The following DPYSL3 variants were observed in gnomAD, a reference collection of about 807,000 sequenced individuals.
The protein encoded by DPYSL3 is dihydropyrimidinase like 3.
Under a neutral mutation model 66.1 loss-of-function variants are expected in DPYSL3, and 16 were observed. The observed-to-expected ratio is 0.24, with a 90% CI of 0.16 to 0.37. The LOEUF is 0.37. DPYSL3 is among the 10% of genes least tolerant of loss of function. The pLI is 1.00. For synonymous variants in DPYSL3, 338 were observed against 345.1 expected (o/e 0.98, Z 0.23); for missense variants, 738 against 916.2 (o/e 0.81, Z 2.51).
At chr5:147,433,027 T>TC (rs1752342441) in intron 1 of DPYSL3, among the ~76,000 whole-genome samples, 1 of 152,192 alleles carries the variant, frequency 6.6e-6, no homozygotes, top group African/African-American at 2.4e-5. Context: ...ACTTTTTCCT[T>TC]GATCTACTCA....
At chr5:147,436,106 C>T (rs1752411034) in intron 1 of DPYSL3, among the ~76,000 whole-genome samples, 2 of 152,248 alleles carry the variant, frequency 1.3e-5, no homozygotes, top group African/African-American at 2.4e-5. Flanking sequence ...CCTATTGGTG[C>T]CCTAAGAGCT....
At chr5:147,495,747 G>C (rs1179868118) in intron 1 of DPYSL3, among the ~76,000 whole-genome samples, 2 of 152,172 alleles carry the variant, frequency 1.3e-5, no homozygotes, top group Non-Finnish European at 2.9e-5. Context: ...TGAAATAAAA[G>C]AGAATACAAA....
intron 2 of DPYSL3, among the ~76,000 whole-genome samples, chr5:147,420,202 C>T (rs1561781053): frequency 6.6e-6 from 1 of 152,122 alleles, no homozygotes; most frequent in Non-Finnish European, 1.5e-5. Context: ...ATAACCTTGG[C>T]CAAATTACCT....
chr5:147,508,280 A>C (rs1405922405), intron 1 of DPYSL3, among the ~76,000 whole-genome samples: 1 of 152,180 alleles, frequency 6.6e-6, no homozygotes, highest in Admixed American at 6.5e-5. Context: ...GTTTGTCTAA[A>C]CTTTCAAAAA....
intron 1 of DPYSL3, among the ~76,000 whole-genome samples, chr5:147,461,134 A>G (rs1368758656): frequency 1.3e-5 from 2 of 152,196 alleles, no homozygotes; most frequent in Non-Finnish European, 2.9e-5. Context: ...AAAGGGCTAC[A>G]AGGGAGCCAG....
At chr5:147,504,448 G>A (rs1318330962) in intron 1 of DPYSL3, among the ~76,000 whole-genome samples, 3 of 152,196 alleles carry the variant, frequency 2.0e-5, no homozygotes, top group Non-Finnish European at 2.9e-5. Flanking sequence ...TAAGCAGGAG[G>A]CATTTTTTCC....
At position 147,429,259 on chromosome 5, in the gene DPYSL3, C is replaced by A. The variant is rs376659305; in HGVS notation, c.382-4296G>T. Among the ~76,000 whole-genome samples the A allele has an allele frequency of 2.6e-5, 4 of 152,302 alleles. No individual in the cohort carries two copies. The South Asian group carries it at 8.3e-4, about 32-fold the overall frequency. On this transcript the variant is annotated intron_variant, in intron 1 of 13. Transcript: ENST00000343218. Reference sequence around the variant, plus strand: ...TTAGGCCCTGCACAGCTACCAAGAGCTACGTGTGTCACTGTCTTGCAGCCC... The same window carrying A: ...TTAGGCCCTGCACAGCTACCAAGAGATACGTGTGTCACTGTCTTGCAGCCC...
chr5:147,431,902 C>A (rs1294968822), intron 1 of DPYSL3, among the ~76,000 whole-genome samples: 2 of 152,142 alleles, frequency 1.3e-5, no homozygotes, highest in Non-Finnish European at 2.9e-5. Context: ...CTGCCTCCCA[C>A]CCACGCTCCC....
Position 147,405,727 on chromosome 5 carries a change from C to A in DPYSL3, c.1036G>T (p.Glu346Ter). Residue 346 changes from glutamate (E) to a stop codon, truncating the protein, a stop_gained, in exon 8 of 14, where the codon GAA becomes TAA. Transcript: ENST00000343218. LOFTEE classifies it high-confidence loss of function. The part of the protein sequence containing the change: ...GHVLSRPEEL[E>*]AEAVFRAITI... Reference sequence around the variant, plus strand: ...ATGGCACGGAACACAGCCTCAGCTTCCAGCTGCAAGAAAAAGTCTCCAGGA... The same window carrying A: ...ATGGCACGGAACACAGCCTCAGCTTACAGCTGCAAGAAAAAGTCTCCAGGA... 1 of 1,609,446 alleles carries A rather than the reference C, an allele frequency of 6.2e-7. No homozygotes were observed. The highest frequency in any genetic ancestry group is 8.5e-7 in the Non-Finnish European group (1 of 1,178,348).
At chr5:147,495,906 T>A (rs1381375897) in intron 1 of DPYSL3, among the ~76,000 whole-genome samples, 1 of 152,122 alleles carries the variant, frequency 6.6e-6, no homozygotes, top group Non-Finnish European at 1.5e-5. Flanking sequence ...TACTTTCAAG[T>A]TCATATGGAA....
intron 4 of DPYSL3, 72 bp from the exon 5 acceptor site, chr5:147,413,729 C>T: frequency 2.4e-6 from 3 of 1,261,686 alleles, no homozygotes; most frequent in Non-Finnish European, 3.4e-6. Flanking sequence ...TCCTTTGCTC[C>T]CACTTCCATC....
intron 2 of DPYSL3, among the ~76,000 whole-genome samples, 180 bp downstream of exon 2, chr5:147,424,695 T>A (rs1242655019): frequency 6.6e-6 from 1 of 152,180 alleles, no homozygotes; most frequent in East Asian, 1.9e-4. Context: ...CTTCCACTTT[T>A]CCATGACCCG....
At chr5:147,462,257 G>A (rs1752944564) in intron 1 of DPYSL3, among the ~76,000 whole-genome samples, 1 of 152,142 alleles carries the variant, frequency 6.6e-6, no homozygotes, top group Non-Finnish European at 1.5e-5. Flanking sequence ...ACTTGGAACA[G>A]AAAAACTGTA....
intron 8 of DPYSL3, chr5:147,401,902 A>T (rs1758192674): frequency 4.1e-6 from 2 of 482,656 alleles, no homozygotes; most frequent in East Asian, 7.8e-5. Flanking sequence ...AGATTAAAAG[A>T]AGCCATTGGT....
At chr5:147,394,275 T>A in intron 13 of DPYSL3, 152 bp from the exon 14 acceptor site, 1 of 767,360 alleles carries the variant, frequency 1.3e-6, no homozygotes. Context: ...TTCCAGTCTA[T>A]CAGGTCTTCT....
intron 1 of DPYSL3, among the ~76,000 whole-genome samples, chr5:147,494,406 C>T (rs913973690): frequency 6.6e-5 from 10 of 151,416 alleles, no homozygotes; most frequent in Non-Finnish European, 1.3e-4. Flanking sequence ...ATTAGAGTAT[C>T]GATCAGTACA....
intron 11 of DPYSL3, among the ~76,000 whole-genome samples, chr5:147,398,251 T>C (rs1161495426): frequency 1.3e-5 from 2 of 152,144 alleles, no homozygotes; most frequent in Non-Finnish European, 2.9e-5. Flanking sequence ...GCAAAGGCCA[T>C]TGCCACCAAA....
At chr5:147,401,729 C>T in intron 8 of DPYSL3, 33 bp from the exon 9 acceptor site, 1 of 1,613,144 alleles carries the variant, frequency 6.2e-7, no homozygotes, top group East Asian at 2.2e-5. Flanking sequence ...AAGGGGTTAG[C>T]ATAAAGTATA....
intron 1 of DPYSL3, among the ~76,000 whole-genome samples, chr5:147,469,517 C>T (rs1444488470): frequency 1.3e-5 from 2 of 152,122 alleles, no homozygotes; most frequent in Admixed American, 6.5e-5. Context: ...TCCTGATATT[C>T]TGGGAATGCT....
Sources: gnomAD v4.1 joint callset for allele counts (sites outside exome capture counted in the v4.1 genomes callset) on GRCh38, gnomAD v4.1.1 for gene constraint, MANE v1.5 for transcripts, NCBI Gene and HGNC (gene_info 2026-07-23, HGNC 2026-07-21) for gene names.